The following TXK variants were observed in gnomAD, a reference collection of about 807,000 sequenced individuals.
TXK encodes the protein TXK tyrosine kinase.
Under a neutral mutation model 81.0 loss-of-function variants are expected in TXK, and 60 were observed. The ratio of observed to expected loss-of-function variants is 0.74; its 90% confidence interval spans 0.60 to 0.92. The LOEUF is 0.92. TXK is among the 40% of genes least tolerant of loss of function. The probability of loss-of-function intolerance (pLI) is 0.00; values close to 1 mark genes in which losing one functional copy is unlikely to be tolerated. For synonymous variants in TXK, 203 were observed against 210.7 expected, an observed-to-expected ratio of 0.96 and a Z score of 0.32; for missense variants, 581 against 638.3, an observed-to-expected ratio of 0.91 and a Z score of 0.97.
At chr4:48,100,410 C>T (rs1489201855) in intron 6 of TXK, among the ~76,000 whole-genome samples, 1 of 151,922 alleles carries the variant, frequency 6.6e-6, no homozygotes, top group Non-Finnish European at 1.5e-5. Flanking sequence ...ACAGAGTTCA[C>T]AGAAAAGGAA....
chr4:48,080,253 C>A, intron 10 of TXK, 125 bp from the exon 11 acceptor site: 1 of 773,884 alleles, frequency 1.3e-6, no homozygotes, highest in Non-Finnish European at 2.1e-6. Context: ...AAAATCAACC[C>A]AAACACAGAG....
At chr4:48,129,511 G>A (rs1719186602) in intron 1 of TXK, among the ~76,000 whole-genome samples, 1 of 152,170 alleles carries the variant, frequency 6.6e-6, no homozygotes, top group Admixed American at 6.5e-5. Context: ...GGGGTGCTGT[G>A]TGGGGTGAGG....
At chr4:48,102,266 A>G (rs1398960782) in intron 6 of TXK, among the ~76,000 whole-genome samples, 1 of 152,214 alleles carries the variant, frequency 6.6e-6, no homozygotes, top group Admixed American at 6.5e-5. Flanking sequence ...GGCTTAAGCC[A>G]CCACCCCCAG....
At chr4:48,133,854 A>C (rs1256961169) in intron 1 of TXK, among the ~76,000 whole-genome samples, 1 of 152,228 alleles carries the variant, frequency 6.6e-6, no homozygotes, top group Non-Finnish European at 1.5e-5. Context: ...AGCTCATTAC[A>C]GTCTCATTCT....
intron 6 of TXK, among the ~76,000 whole-genome samples, chr4:48,103,080 T>C (rs542749082): frequency 6.6e-6 from 1 of 152,356 alleles, no homozygotes; most frequent in South Asian, 2.1e-4. Flanking sequence ...CAAGTTTTAA[T>C]ATTTGCCATA....
intron 5 of TXK, among the ~76,000 whole-genome samples, chr4:48,108,369 T>C (rs1171717453): frequency 6.6e-6 from 1 of 152,244 alleles, no homozygotes. Flanking sequence ...GTATTGAACA[T>C]GTATTATGTA....
intron 6 of TXK, among the ~76,000 whole-genome samples, chr4:48,101,988 T>A (rs1026079969): frequency 2.6e-5 from 4 of 152,140 alleles, no homozygotes; most frequent in Non-Finnish European, 4.4e-5. Context: ...TTTTTTAATT[T>A]ATTTTTTTGA....
At chr4:48,103,275 C>T (rs1481246251) in intron 6 of TXK, among the ~76,000 whole-genome samples, 4 of 152,216 alleles carry the variant, frequency 2.6e-5, no homozygotes, top group African/African-American at 9.6e-5. Flanking sequence ...GACTTTCCTT[C>T]TCTCGTTCTG....
chr4:48,109,144 A>G (rs776734011), intron 5 of TXK, among the ~76,000 whole-genome samples: 4 of 150,750 alleles, frequency 2.7e-5, no homozygotes, highest in Non-Finnish European at 5.9e-5. Flanking sequence ...GTGAGACCTC[A>G]TGAGGACATG....
intron 8 of TXK, among the ~76,000 whole-genome samples, chr4:48,091,609 G>A (rs894890291): frequency 2.0e-5 from 3 of 151,824 alleles, no homozygotes; most frequent in South Asian, 2.1e-4. Flanking sequence ...AGGTTCAAGC[G>A]ATTCTCCTGC....
At chr4:48,087,627 G>T (rs1717588778) in intron 9 of TXK, among the ~76,000 whole-genome samples, 1 of 151,916 alleles carries the variant, frequency 6.6e-6, no homozygotes, top group African/African-American at 2.4e-5. Context: ...TAGAGACAAG[G>T]TTTCACCATG....
chr4:48,076,499 T>C (rs372053220), intron 11 of TXK, 33 bp from the exon 12 acceptor site: 2 of 1,583,406 alleles, frequency 1.3e-6, no homozygotes, highest in Admixed American at 3.5e-5. Flanking sequence ...CAAGTTTGAA[T>C]ACAAGCTTTT....
At chr4:48,108,932 A>C (rs1718544428) in intron 5 of TXK, among the ~76,000 whole-genome samples, 2 of 152,252 alleles carry the variant, frequency 1.3e-5, no homozygotes, top group African/African-American at 4.8e-5. Flanking sequence ...TCCATTCACT[A>C]ACCACCAGGC....
At chr4:48,081,631 G>T (rs746552302) in intron 10 of TXK, among the ~76,000 whole-genome samples, 22 of 152,008 alleles carry the variant, frequency 1.4e-4, no homozygotes, top group Non-Finnish European at 3.2e-4. Flanking sequence ...CTTTCCCTAA[G>T]TAATCGCATT....
intron 1 of TXK, among the ~76,000 whole-genome samples, chr4:48,118,287 G>T (rs939572480): frequency 2.2e-4 from 33 of 152,166 alleles, no homozygotes; most frequent in Admixed American, 4.6e-4. Flanking sequence ...TTATGATGCA[G>T]ATCTTCCTGT....
chr4:48,082,424 A>C (rs565483624), intron 10 of TXK, among the ~76,000 whole-genome samples: 2 of 152,288 alleles, frequency 1.3e-5, no homozygotes, highest in South Asian at 4.1e-4. Context: ...ATAAACACAG[A>C]CCATCTGTAT....
At chr4:48,071,766 TG>T (rs1392317910) in intron 13 of TXK, 92 bp from the exon 14 acceptor site, 1 of 1,448,788 alleles carries the variant, frequency 6.9e-7, no homozygotes, top group Non-Finnish European at 9.4e-7. Flanking sequence ...GCATTATTTT[TG>T]TGCTCCAGGC....
intron 13 of TXK, among the ~76,000 whole-genome samples, chr4:48,072,161 G>A (rs570897816): frequency 6.6e-5 from 10 of 151,906 alleles, no homozygotes; most frequent in African/African-American, 9.7e-5. Context: ...CCACCACCAC[G>A]CCCAACTAAT....
intron 1 of TXK, among the ~76,000 whole-genome samples, chr4:48,127,378 TAAGTA>T: frequency 6.6e-6 from 1 of 152,314 alleles, no homozygotes; most frequent in East Asian, 1.9e-4. Context: ...GTGTTCCCAG[TAAGTA>T]AATAGACAGC....
Sources: gnomAD v4.1 joint callset for allele counts (sites outside exome capture counted in the v4.1 genomes callset) on GRCh38, gnomAD v4.1.1 for gene constraint, MANE v1.5 for transcripts, NCBI Gene and HGNC (gene_info 2026-07-23, HGNC 2026-07-21) for gene names.